ZNF501: variants seen among roughly 807,000 people sequenced by gnomAD.
The protein encoded by ZNF501 is zinc finger protein 501, also known as zinc finger protein 52.
A neutral mutation model predicts 5.7 loss-of-function variants in ZNF501; 7 were observed. The observed-to-expected ratio is 1.24, with a 90% CI of 0.70 to 2.32. The LOEUF is 2.32. Among genes scored for constraint, ZNF501 ranks in the 30% most tolerant of loss-of-function variants. The pLI is 0.00. For synonymous variants in ZNF501, 107 were observed against 101.9 expected, an observed-to-expected ratio of 1.05 and a Z score of -0.30; for missense variants, 352 against 321.1, an observed-to-expected ratio of 1.10 and a Z score of -0.73.
rs1204143041 is a variant in ZNF501 at position 44,734,855 on chromosome 3, A to G, written c.434A>G (p.Gln145Arg). 6.2e-7 allele frequency: 1 copy of G among 1,613,926 alleles called. No homozygotes were observed. The highest frequency in any genetic ancestry group is 8.5e-7 in the Non-Finnish European group (1 of 1,180,014). ...ACAGAATGTGGCAAAGCCTTCAGTC[A>G]GAGCATATGCCTTACTCGTCATCAG... ...KCTECGKAFS[Q>R]SICLTRHQRS... is the part of the protein sequence containing the mutation. The change falls in exon 3 of 3, where the codon CAG becomes CGG. Residue 145 changes from glutamine (Q) to arginine (R), a missense_variant. Transcript: ENST00000620116.
rs1704616949 is a variant in ZNF501 at position 44,731,572 on chromosome 3, C to G, written c.-226+12C>G. 1 of 152,188 alleles carries G rather than the reference C, an allele frequency of 6.6e-6. No homozygotes were observed. The allele number at this position is 152,188 out of a possible 1,614,324, so 9.4% of individuals were successfully genotyped here. A position where few individuals can be genotyped will look rare whatever the true frequency, so the allele number is the denominator to read the frequency against. ...CAACCTGTCTCTTGGTAAGTTAACT[C>G]TAACTAGAGAGCCCAGGATGGTGGT... On this transcript the variant is annotated intron_variant, in intron 2 of 2. Coordinates refer to ENST00000620116, the MANE Select transcript of ZNF501 (RefSeq NM_001258280.2).
rs201161138 is a variant in ZNF501, at chr3:44,735,065, A to G, written c.644A>G (p.Glu215Gly). The G allele has an allele frequency of 6.2e-7, 1 of 1,614,186 alleles. No individual in the cohort carries two copies. Among genetic ancestry groups the G allele is most frequent in the Non-Finnish European group, 8.5e-7 (1 of 1,180,020 alleles). ...LVEHERTHTG[E>G]KLYKCSECEK... Reference sequence around the variant, plus strand: ...GAACATGAAAGGACTCACACTGGAGAGAAACTTTATAAGTGTAGTGAGTGT... The same window carrying G: ...GAACATGAAAGGACTCACACTGGAGGGAAACTTTATAAGTGTAGTGAGTGT... Residue 215 changes from glutamate (E) to glycine (G), a missense_variant, in exon 3 of 3, where the codon GAG (glutamate) becomes GGG (glycine). Transcript: ENST00000620116.
chr3:44,734,897 A>G lies in ZNF501; in HGVS notation c.476A>G (p.Asp159Gly). ...CGTCATCAGAGAAGTCATTCTGGAG[A>G]TAAACCTTTTAAGTGTAATGAATGT... ...LTRHQRSHSGDKPFKCNECGK... is the reference protein window; with the variant it reads ...LTRHQRSHSGGKPFKCNECGK... Residue 159 changes from aspartate to glycine, a missense_variant, in exon 3 of 3, where the codon GAT becomes GGT. Physicochemically the swap from Asp to Gly is moderately conservative, Grantham distance 94. Coordinates refer to ENST00000620116, the MANE Select transcript of ZNF501 (RefSeq NM_001258280.2). 6.2e-7 allele frequency: 1 copy of G among 1,613,980 alleles called. No homozygotes were observed. The highest frequency in any genetic ancestry group is 8.5e-7 in the Non-Finnish European group (1 of 1,180,018).
At chr3:44,732,695 T>C (rs144059595) in intron 2 of ZNF501, among the ~76,000 whole-genome samples, 12 of 152,260 alleles carry the variant, frequency 7.9e-5, no homozygotes, top group Non-Finnish European at 1.6e-4. Context: ...GCAGAACCTG[T>C]AGAACAATTT....
intron 2 of ZNF501, 105 bp downstream of exon 2, chr3:44,731,665 G>C (rs1256674901): frequency 1.3e-5 from 2 of 152,318 alleles, no homozygotes; most frequent in African/African-American, 4.8e-5. Context: ...CACTAAATGT[G>C]GACCCAGCAG....
chr3:44,729,636 C>T lies in ZNF501; in HGVS notation c.-690C>T, dbSNP rs2279908. 89,597 of 152,248 alleles carry T rather than the reference C, an allele frequency of 0.59. 26,848 individuals are homozygous for T. Among genetic ancestry groups the T allele is most frequent in the East Asian group, 0.89 (4,572 of 5,152 alleles). The allele number at this position is 152,248 out of a possible 1,614,324, so 9.4% of individuals were successfully genotyped here. On this transcript the variant is annotated 5_prime_UTR_variant, in exon 1 of 3. Transcript: ENST00000620116. Reference sequence around the variant, plus strand: ...GCCGGCTGGGCGCGTCCGGGACTTACTCCTTTCCGCAGGGCAGCACCCAGG... The same window carrying T: ...GCCGGCTGGGCGCGTCCGGGACTTATTCCTTTCCGCAGGGCAGCACCCAGG...
Position 44,734,770 on chromosome 3 carries a change from C to G in ZNF501, c.349C>G (p.Gln117Glu), listed in dbSNP as rs758058321. 4 of 1,614,026 alleles carry G rather than the reference C, an allele frequency of 2.5e-6. No homozygotes were observed. The highest frequency in any genetic ancestry group is 3.4e-6 in the Non-Finnish European group (4 of 1,179,974). The stretch of plus-strand genomic sequence containing the variant: ...CAATGAATGTGGAAAAGCCTTTTGT[C>G]AGAGCCCATCCCTTATTAAACACCA... Reference protein sequence around the residue: ...KCNECGKAFCQSPSLIKHQRI... With the variant: ...KCNECGKAFCESPSLIKHQRI... The change falls in exon 3 of 3, where the codon CAG (glutamine) becomes GAG (glutamate). Residue 117 changes from glutamine (Q) to glutamate (E), a missense_variant. Gln to Glu is a conservative substitution (Grantham distance 29). Coordinates refer to ENST00000620116, the MANE Select transcript of ZNF501 (RefSeq NM_001258280.2).
At position 44,735,366 on chromosome 3, in the gene ZNF501, G is replaced by A; in HGVS notation, c.*129G>A. On this transcript the variant is annotated 3_prime_UTR_variant, in exon 3 of 3. Transcript: ENST00000620116. ...TTGTATTTTGAACAAGAAATGTTGT[G>A]TCCTAATGTGTCCTAGTCTGGAGTT... is the stretch of plus-strand genomic sequence containing the variant. 1.2e-6 allele frequency: 1 copy of A among 825,376 alleles called. No individual in the cohort carries two copies. Among genetic ancestry groups the A allele is most frequent in the Non-Finnish European group, 1.9e-6 (1 of 534,138 alleles). The allele number at this position is 825,376 out of a possible 1,614,324, so 51.1% of individuals were successfully genotyped here.
chr3:44,732,817 T>C (rs1345676275), intron 2 of ZNF501, among the ~76,000 whole-genome samples: 1 of 152,230 alleles, frequency 6.6e-6, no homozygotes, highest in East Asian at 1.9e-4. Flanking sequence ...AATAGGTTTA[T>C]TTTGTTAACA....
At position 44,736,592 on chromosome 3, in the gene ZNF501, C is replaced by G. The variant is rs942313946; in HGVS notation, c.*1355C>G. On this transcript the variant is annotated 3_prime_UTR_variant, in exon 3 of 3. Transcript: ENST00000620116. ...CAGGTGGCCAGGTGGGTGTCGAACT[C>G]CTGACCTCAAGTGATCCGCCTGCCT... 1 of 167,042 alleles carries G rather than the reference C, an allele frequency of 6.0e-6. No homozygotes were observed. The highest frequency in any genetic ancestry group is 2.4e-5 in the African/African-American group (1 of 41,418). The allele number at this position is 167,042 out of a possible 1,614,324, so 10.3% of individuals were successfully genotyped here.
At position 44,735,294 on chromosome 3, in the gene ZNF501, T is replaced by TA. The variant is rs1457003304; in HGVS notation, c.*60dup. 2.1e-6 allele frequency: 3 copies of TA among 1,410,438 alleles called. No individual in the cohort carries two copies. The highest frequency in any genetic ancestry group is 2.9e-5 in the African/African-American group (2 of 69,346). 87.4% of individuals were successfully genotyped at this position (1,410,438 alleles called of 1,614,324 possible). ...GTATGGAAGCACCTTTTTTTTCTCC[T>TA]AAATTCCTAGGAATGTAAGACTCAA... is the stretch of plus-strand genomic sequence containing the variant. On this transcript the variant is annotated 3_prime_UTR_variant, in exon 3 of 3. Coordinates refer to ENST00000620116, the MANE Select transcript of ZNF501 (RefSeq NM_001258280.2).
intron 2 of ZNF501, among the ~76,000 whole-genome samples, chr3:44,733,967 T>G (rs528049131): frequency 6.6e-6 from 1 of 152,360 alleles, no homozygotes; most frequent in East Asian, 1.9e-4. Flanking sequence ...ATTATTCCTC[T>G]GTTTTTTGAG....
chr3:44,730,881 C>A (rs1345310067), intron 1 of ZNF501, among the ~76,000 whole-genome samples: 2 of 152,200 alleles, frequency 1.3e-5, no homozygotes, highest in Non-Finnish European at 2.9e-5. Context: ...TAAACAGATT[C>A]AATCAAAGAT....
rs540328816 is a variant in ZNF501, at chr3:44,733,177, G to A, written c.-225-1020G>A. ...TATTTTAAAGTGAGGATATATAGTT[G>A]TGTAATTTACATGATTAGAAAACAG... On this transcript the variant is annotated intron_variant, in intron 2 of 2. Transcript: ENST00000620116. Among the ~76,000 whole-genome samples, 3 of 152,266 alleles carry A rather than the reference G, an allele frequency of 2.0e-5. No individual in the cohort carries two copies. The East Asian group carries it at 5.8e-4, about 29-fold the overall frequency.
At chr3:44,731,294 G>C (rs146715527) in intron 1 of ZNF501, among the ~76,000 whole-genome samples, 182 bp from the exon 2 acceptor site, 1 of 152,210 alleles carries the variant, frequency 6.6e-6, no homozygotes, top group South Asian at 2.1e-4. Flanking sequence ...ACATCTCTCT[G>C]AAGTCTGCCA....
chr3:44,730,074 C>T (rs933513428), intron 1 of ZNF501, 59 bp downstream of exon 1: 30 of 152,106 alleles, frequency 2.0e-4, no homozygotes, highest in African/African-American at 7.0e-4. Flanking sequence ...CTAACAACAA[C>T]AAAATAGGTA....
In ZNF501 at chr3:44,734,720, A is replaced by G. The variant is rs759836866; in HGVS notation, c.299A>G (p.His100Arg). The change falls in exon 3 of 3, where the codon CAT becomes CGT. Residue 100 changes from histidine (H) to arginine (R), a missense_variant. His to Arg is a conservative substitution (Grantham distance 29). Transcript: ENST00000620116. ...KAILVQHLRI[H>R]TGEKPYKCNE... ...ATTCTTGTTCAGCATCTGAGAATTC[A>G]TACTGGAGAGAAACCCTATAAATGC... The G allele has an allele frequency of 3.7e-6, 6 of 1,614,190 alleles. No homozygotes were observed. The highest frequency in any genetic ancestry group is 3.3e-4 in the Middle Eastern group (2 of 6,060).
chr3:44,735,113 C>T lies in ZNF501; in HGVS notation c.692C>T (p.Ala231Val), dbSNP rs200282883. 9 of 1,614,148 alleles carry T rather than the reference C, an allele frequency of 5.6e-6. No individual in the cohort carries two copies. The African/African-American group carries it at 1.2e-4, about 22-fold the overall frequency. The change falls in exon 3 of 3, where the codon GCA becomes GTA. Residue 231 changes from alanine (A) to valine (V), a missense_variant. Coordinates refer to ENST00000620116, the MANE Select transcript of ZNF501 (RefSeq NM_001258280.2). ...TGTGAAAAAACTTTCCGCAAACAAG[C>T]ACACCTTAGTGAGCATTACAGAATT... The part of the protein sequence containing the change: ...SECEKTFRKQ[A>V]HLSEHYRIHT...
rs376208947 is a variant in ZNF501 at position 44,734,942 on chromosome 3, G to A, written c.521G>A (p.Ser174Asn). The change falls in exon 3 of 3, where the codon AGT (serine) becomes AAT (asparagine). Residue 174 changes from serine (S) to asparagine (N), a missense_variant. By Grantham distance (46) the Ser-to-Asn change is conservative. Coordinates refer to ENST00000620116, the MANE Select transcript of ZNF501 (RefSeq NM_001258280.2). ...GAATGTGGGAAAGCCTTTAATCAGA[G>A]TGCATGTCTCATGCAGCATCAGAGA... Reference protein sequence around the residue: ...CNECGKAFNQSACLMQHQRIH... With the variant: ...CNECGKAFNQNACLMQHQRIH... 4 of 1,613,948 alleles carry A rather than the reference G, an allele frequency of 2.5e-6. No homozygotes were observed. Among genetic ancestry groups the A allele is most frequent in the Middle Eastern group, 3.3e-4 (2 of 6,084 alleles).
Sources: gnomAD v4.1 joint callset for allele counts (sites outside exome capture counted in the v4.1 genomes callset) on GRCh38, gnomAD v4.1.1 for gene constraint, MANE v1.5 for transcripts, NCBI Gene and HGNC (gene_info 2026-07-23, HGNC 2026-07-21) for gene names.